Variants in RELB observed in about 807,000 individuals in gnomAD.
RELB encodes RELB proto-oncogene, NF-kB subunit.
A neutral mutation model predicts 55.4 loss-of-function variants in RELB; 14 were observed. The observed-to-expected ratio is 0.25, with a 90% CI of 0.17 to 0.40. The LOEUF is 0.40. RELB is among the 10% of genes least tolerant of loss of function. The pLI is 1.00. For synonymous variants in RELB, 409 were observed against 371.3 expected (o/e 1.10, Z -1.17); for missense variants, 669 against 830.7 (o/e 0.81, Z 2.39).
At chr19:45,021,865 T>G (rs778304599) in intron 4 of RELB, 188 bp from the exon 5 acceptor site, 4 of 532,502 alleles carry the variant, frequency 7.5e-6, no homozygotes, top group Non-Finnish European at 1.3e-5. Flanking sequence ...GTGAGCCACC[T>G]CGCCCGGCCC....
chr19:45,020,787 G>C (rs1359858246), intron 4 of RELB, among the ~76,000 whole-genome samples: 2 of 148,954 alleles, frequency 1.3e-5, no homozygotes, highest in African/African-American at 5.0e-5. Flanking sequence ...TCGATCTCCT[G>C]ACCTCATGAT....
At position 45,037,108 on chromosome 19, in the gene RELB, G is replaced by A. The variant is rs34858267; in HGVS notation, c.1355-297G>A. Among the ~76,000 whole-genome samples, 1,423 of 152,060 alleles carry A rather than the reference G, an allele frequency of 9.4e-3. 20 individuals carry two copies. Among genetic ancestry groups the A allele is most frequent in the African/African-American group, 0.033 (1,374 of 41,482 alleles). On this transcript the variant is annotated intron_variant, in intron 11 of 11. Coordinates refer to ENST00000221452, the MANE Select transcript of RELB (RefSeq NM_006509.4). ...AGCCTGGCAAACATGGTGAAACCCC[G>A]TCTCTACTAAAAAGATAAGAATTAG...
In RELB at chr19:45,025,622, C is replaced by T; in HGVS notation, c.771C>T (p.Asn257=). The T allele has an allele frequency of 1.2e-6, 2 of 1,613,918 alleles. No homozygotes were observed. The highest frequency in any genetic ancestry group is 1.7e-6 in the Non-Finnish European group (2 of 1,179,886). ...IDPYNAGSLK[N]HQEVDMNVVR... Reference sequence around the variant, plus strand: ...CCCCGACAGCTGGGTCCCTGAAGAACCATCAGGAAGTAGACATGAATGTGG... The same window carrying T: ...CCCCGACAGCTGGGTCCCTGAAGAATCATCAGGAAGTAGACATGAATGTGG... The change falls in exon 7 of 12, where the codon AAC becomes AAT. Residue 257 remains asparagine (N), a synonymous_variant. Coordinates refer to ENST00000221452, the MANE Select transcript of RELB (RefSeq NM_006509.4).
intron 5 of RELB, among the ~76,000 whole-genome samples, chr19:45,024,151 CTTATT>C (rs1234944417): frequency 1.3e-5 from 2 of 151,008 alleles, no homozygotes; most frequent in African/African-American, 2.4e-5. Flanking sequence ...CTGAAGTTTT[CTTATT>C]TTATTTATTT....
intron 4 of RELB, among the ~76,000 whole-genome samples, chr19:45,020,545 G>A (rs1293497604): frequency 7.3e-6 from 1 of 137,624 alleles, no homozygotes; most frequent in Middle Eastern, 4.3e-3. Flanking sequence ...CCCAAATGTG[G>A]CACCCATCTT....
intron 11 of RELB, 65 bp from the exon 12 acceptor site, chr19:45,037,340 A>AT: frequency 6.8e-7 from 1 of 1,461,860 alleles, no homozygotes; most frequent in Non-Finnish European, 9.0e-7. Flanking sequence ...AGGGCATTTG[A>AT]TTTAGGGCCT....
chr19:45,025,601 G>A lies in RELB; in HGVS notation c.755-5G>A, dbSNP rs1287347319. ...CCCTCAGCCTCCCCATATCTCCCCC[G>A]ACAGCTGGGTCCCTGAAGAACCATC... On this transcript the variant is annotated splice_region_variant and splice_polypyrimidine_tract_variant and intron_variant, in intron 6 of 11. Transcript: ENST00000221452. The A allele has an allele frequency of 3.1e-6, 5 of 1,613,316 alleles. No individual in the cohort carries two copies. The highest frequency in any genetic ancestry group is 1.3e-5 in the African/African-American group (1 of 74,800).
At position 45,012,736 on chromosome 19, in the gene RELB, C is replaced by CA. The variant is rs1182021644; in HGVS notation, c.504+469dup. Among the ~76,000 whole-genome samples, 553 of 99,752 alleles carry CA rather than the reference C, an allele frequency of 5.5e-3. 8 individuals are homozygous for CA. The highest frequency in any genetic ancestry group is 0.017 in the African/African-American group (499 of 30,224). 65.4% of individuals were successfully genotyped at this position (99,752 alleles called of 152,430 possible). On this transcript the variant is annotated intron_variant, in intron 4 of 11. Transcript: ENST00000221452. ...TGGGTAACAGAGTGAGACCTTGTCTCAAAAAAAAAGAAAAAAAAAAAAGAA... is the reference window on the plus strand; with the variant it reads ...TGGGTAACAGAGTGAGACCTTGTCTCAAAAAAAAAAGAAAAAAAAAAAAGAA...
chr19:45,018,623 A>T (rs1274785461), intron 4 of RELB, among the ~76,000 whole-genome samples: 2 of 151,988 alleles, frequency 1.3e-5, no homozygotes, highest in Non-Finnish European at 2.9e-5. Context: ...CAGAAAAGTT[A>T]AAAAATAATA....
At chr19:45,011,900 A>T in intron 3 of RELB, 36 bp from the exon 4 acceptor site, 2 of 1,285,080 alleles carry the variant, frequency 1.6e-6, no homozygotes, top group South Asian at 1.7e-5. Context: ...TTTTTTAAAG[A>T]ATGGGCGTCA....
rs1971232286 is a variant in RELB, at chr19:45,002,956, C to T, written c.114C>T (p.Pro38=). 1.9e-6 allele frequency: 3 copies of T among 1,613,296 alleles called. No homozygotes were observed. The highest frequency in any genetic ancestry group is 1.3e-5 in the African/African-American group (1 of 74,888). The change falls in exon 2 of 12, where the codon CCC becomes CCT. Residue 38 remains proline (P), a synonymous_variant. Coordinates refer to ENST00000221452, the MANE Select transcript of RELB (RefSeq NM_006509.4). ...AAPELGALGS[P]DLSSLSLAVS... ...GTTTCTCCTTCTCTGCAGGGTCCCCCGACCTCTCCTCACTCTCGCTCGCCG... is the reference window on the plus strand; with the variant it reads ...GTTTCTCCTTCTCTGCAGGGTCCCCTGACCTCTCCTCACTCTCGCTCGCCG...
At chr19:45,036,366 C>T (rs1246892832) in intron 11 of RELB, among the ~76,000 whole-genome samples, 1 of 152,186 alleles carries the variant, frequency 6.6e-6, no homozygotes, top group Non-Finnish European at 1.5e-5. Flanking sequence ...AGCCACCATG[C>T]CTGGCCTGAG....
chr19:45,033,833 A>T (rs982617325), intron 9 of RELB, among the ~76,000 whole-genome samples: 1 of 150,118 alleles, frequency 6.7e-6, no homozygotes, highest in East Asian at 2.1e-4. Flanking sequence ...GTGAGCCACC[A>T]CGCCCAGCCA....
chr19:45,022,080 G>C lies in RELB; in HGVS notation c.532G>C (p.Val178Leu). ...ELRDCGGLRE[V>L]EVTACLVWKD... is the part of the protein sequence containing the mutation. Reference sequence around the variant, plus strand: ...CCGGGATTGTGGAGGGCTGCGGGAGGTGGAGGTGACTGCCTGCCTGGTGTG... The same window carrying C: ...CCGGGATTGTGGAGGGCTGCGGGAGCTGGAGGTGACTGCCTGCCTGGTGTG... The change falls in exon 5 of 12, where the codon GTG becomes CTG. Residue 178 changes from valine (V) to leucine (L), a missense_variant. Physicochemically the swap from Val to Leu is conservative, Grantham distance 32 (BLOSUM62 1). Coordinates refer to ENST00000221452, the MANE Select transcript of RELB (RefSeq NM_006509.4). The C allele has an allele frequency of 6.2e-7, 1 of 1,613,034 alleles. No homozygotes were observed. The highest frequency in any genetic ancestry group is 8.5e-7 in the Non-Finnish European group (1 of 1,179,546).
At chr19:45,011,797 T>TGA (rs58500013) in intron 3 of RELB, 139 bp from the exon 4 acceptor site, 112 of 69,866 alleles carry the variant, frequency 1.6e-3, no homozygotes, top group South Asian at 4.7e-3. Flanking sequence ...TGTGTGTGTG[T>TGA]GAGAGAGAGA....
intron 7 of RELB, among the ~76,000 whole-genome samples, chr19:45,027,277 A>G (rs970639446): frequency 6.6e-5 from 10 of 150,612 alleles, no homozygotes; most frequent in Non-Finnish European, 1.3e-4. Context: ...CTTAAGGGGG[A>G]AAAAAGAGAA....
At chr19:45,016,690 T>G (rs1971424225) in intron 4 of RELB, among the ~76,000 whole-genome samples, 1 of 152,058 alleles carries the variant, frequency 6.6e-6, no homozygotes, top group Non-Finnish European at 1.5e-5. Flanking sequence ...GGAAAGAATA[T>G]TATTGGTGTC....
chr19:45,015,604 A>T (rs539628255), intron 4 of RELB, among the ~76,000 whole-genome samples: 9 of 152,092 alleles, frequency 5.9e-5, no homozygotes, highest in African/African-American at 2.2e-4. Flanking sequence ...GCGTGGTGGC[A>T]TGCGCCTGGG....
intron 3 of RELB, among the ~76,000 whole-genome samples, chr19:45,011,247 C>T (rs140990679): frequency 0.015 from 2,233 of 152,212 alleles, 79 homozygotes; most frequent in African/African-American, 0.051. Context: ...ACTGCAACCT[C>T]CGCCTGACGG....
Sources: allele counts gnomAD v4.1 joint callset (sites outside exome capture counted in the v4.1 genomes callset), GRCh38; gene constraint gnomAD v4.1.1; transcripts MANE v1.5; gene names NCBI Gene and HGNC (gene_info 2026-07-23, HGNC 2026-07-21).